CSMD1: variants seen among roughly 807,000 people sequenced by gnomAD.
The protein encoded by CSMD1 is CUB and sushi domain-containing protein 1.
In CSMD1, 213 loss-of-function variants were observed where a neutral mutation model predicts 417.5. That is an observed-to-expected ratio of 0.51 (90% confidence interval 0.46 to 0.57). CSMD1 has a LOEUF of 0.57. Among genes scored for constraint, CSMD1 ranks in the 20% least tolerant of loss-of-function variants. The pLI is 0.00. For synonymous variants in CSMD1, 2,862 were observed against 1,736.8 expected, an observed-to-expected ratio of 1.65 and a Z score of -16.11; for missense variants, 6,923 against 4,529.7, an observed-to-expected ratio of 1.53 and a Z score of -15.17.
chr8:3,393,274 C>T (rs928099332), intron 17 of CSMD1, among the ~76,000 whole-genome samples: 2 of 152,172 alleles, frequency 1.3e-5, no homozygotes, highest in Non-Finnish European at 2.9e-5. Context: ...GCAACAATTT[C>T]CTGTCTTCAC....
chr8:4,964,620 G>A (rs1277556521), intron 1 of CSMD1, among the ~76,000 whole-genome samples: 1 of 150,988 alleles, frequency 6.6e-6, no homozygotes, highest in Non-Finnish European at 1.5e-5. Flanking sequence ...CCCTGAAGCA[G>A]GTGGATCTTC....
chr8:4,867,118 T>G (rs1321524512), intron 1 of CSMD1, among the ~76,000 whole-genome samples: 1 of 152,040 alleles, frequency 6.6e-6, no homozygotes, highest in African/African-American at 2.4e-5. Context: ...TGATATGAAC[T>G]TCATGAACTA....
intron 5 of CSMD1, among the ~76,000 whole-genome samples, chr8:3,839,335 CTATT>C (rs1187071890): frequency 9.2e-6 from 1 of 108,402 alleles, no homozygotes; most frequent in Non-Finnish European, 1.8e-5. Context: ...ATTATATATA[CTATT>C]AATTAGAATA....
At chr8:3,381,225 T>C (rs1474379584) in intron 18 of CSMD1, among the ~76,000 whole-genome samples, 2 of 151,924 alleles carry the variant, frequency 1.3e-5, no homozygotes, top group African/African-American at 2.4e-5. Context: ...GTAAAACAAC[T>C]TGACAAGCCC....
intron 1 of CSMD1, among the ~76,000 whole-genome samples, chr8:4,805,971 G>C (rs2117307712): frequency 1.3e-5 from 2 of 152,210 alleles, no homozygotes; most frequent in South Asian, 2.1e-4. Flanking sequence ...TAATTACCAA[G>C]GGCTTTTCTT....
At chr8:4,448,319 AG>A in intron 2 of CSMD1, among the ~76,000 whole-genome samples, 1 of 152,308 alleles carries the variant, frequency 6.6e-6, no homozygotes, top group African/African-American at 2.4e-5. Flanking sequence ...CCGATCTAGG[AG>A]GATTTTTAAT....
intron 5 of CSMD1, among the ~76,000 whole-genome samples, chr8:3,838,696 A>T (rs1409970741): frequency 5.8e-5 from 1 of 17,234 alleles, no homozygotes; most frequent in Non-Finnish European, 1.0e-4. Context: ...AATATATAAT[A>T]AATATTATAT....
At chr8:3,394,382 TAAG>T (rs1811559199) in intron 17 of CSMD1, among the ~76,000 whole-genome samples, 1 of 151,360 alleles carries the variant, frequency 6.6e-6, no homozygotes, top group South Asian at 2.1e-4. Context: ...GAAAGAGAAA[TAAG>T]AAGAAGACAT....
At chr8:4,121,058 T>A (rs1458547889) in intron 3 of CSMD1, among the ~76,000 whole-genome samples, 1 of 152,090 alleles carries the variant, frequency 6.6e-6, no homozygotes, top group East Asian at 1.9e-4. Flanking sequence ...GAGTTTCTTT[T>A]CTGACTGGGT....
intron 1 of CSMD1, among the ~76,000 whole-genome samples, chr8:4,639,250 A>ATT (rs1803045475): frequency 1.1e-4 from 7 of 63,026 alleles, no homozygotes; most frequent in African/African-American, 2.3e-4. Context: ...TGTGGTTGTC[A>ATT]ATTTTTTTTT....
chr8:4,222,571 A>G (rs144190612), intron 3 of CSMD1, among the ~76,000 whole-genome samples: 1 of 152,328 alleles, frequency 6.6e-6, no homozygotes, highest in East Asian at 1.9e-4. Flanking sequence ...GTTAAAGGCT[A>G]TTACTTTAAA....
At chr8:3,865,038 A>G (rs1804987621) in intron 5 of CSMD1, among the ~76,000 whole-genome samples, 1 of 152,150 alleles carries the variant, frequency 6.6e-6, no homozygotes, top group Non-Finnish European at 1.5e-5. Flanking sequence ...GTCAAGTAAG[A>G]CATGCTTTGA....
chr8:3,987,914 T>G (rs1248629180), intron 5 of CSMD1, among the ~76,000 whole-genome samples: 3 of 152,118 alleles, frequency 2.0e-5, no homozygotes, highest in African/African-American at 7.2e-5. Flanking sequence ...TCTCTGAGAG[T>G]CACACCGAAT....
intron 9 of CSMD1, among the ~76,000 whole-genome samples, chr8:3,578,530 A>G (rs773612897): frequency 1.1e-4 from 16 of 152,128 alleles, no homozygotes; most frequent in Non-Finnish European, 1.9e-4. Context: ...TTTGTCGCCT[A>G]TTGGGGGGCT....
chr8:3,586,820 G>A (rs1446688838), intron 8 of CSMD1, among the ~76,000 whole-genome samples: 1 of 152,144 alleles, frequency 6.6e-6, no homozygotes, highest in Non-Finnish European at 1.5e-5. Context: ...TTTGTTTTGA[G>A]ACAGAGTCTC....
chr8:4,270,264 T>C (rs1162843109), intron 3 of CSMD1, among the ~76,000 whole-genome samples: 1 of 152,182 alleles, frequency 6.6e-6, no homozygotes, highest in South Asian at 2.1e-4. Flanking sequence ...ATAGTTCTCA[T>C]TTTTAATTAA....
intron 25 of CSMD1, among the ~76,000 whole-genome samples, chr8:3,286,441 C>T (rs1311509229): frequency 6.6e-6 from 1 of 152,274 alleles, no homozygotes; most frequent in Non-Finnish European, 1.5e-5. Flanking sequence ...ACAGTCCCAC[C>T]AAGAGTGTGA....
At chr8:3,538,456 G>C (rs1798296799) in intron 10 of CSMD1, among the ~76,000 whole-genome samples, 5 of 152,014 alleles carry the variant, frequency 3.3e-5, no homozygotes, top group Admixed American at 2.0e-4. Flanking sequence ...ATGCACCTGA[G>C]ATGCCTCACC....
chr8:3,670,973 G>C (rs1283592783), intron 7 of CSMD1, among the ~76,000 whole-genome samples: 7 of 115,540 alleles, frequency 6.1e-5, no homozygotes, highest in African/African-American at 9.8e-5. Context: ...TATGTATATG[G>C]GATATATATG....
Sources: allele counts gnomAD v4.1 joint callset (sites outside exome capture counted in the v4.1 genomes callset), GRCh38; gene constraint gnomAD v4.1.1; transcripts MANE v1.5; gene names NCBI Gene and HGNC (gene_info 2026-07-23, HGNC 2026-07-21).